Variants in NPC1 observed in about 807,000 individuals in gnomAD.
The protein encoded by NPC1 is Niemann-Pick C1 protein.
NPC1 carries 85 observed loss-of-function variants against 140.4 expected under a neutral mutation model. That is an observed-to-expected ratio of 0.61 (90% CI 0.51 to 0.72). NPC1 has a LOEUF of 0.72. Among genes scored for constraint, NPC1 ranks in the 30% least tolerant of loss-of-function variants. The pLI, the probability that NPC1 is intolerant of heterozygous loss-of-function variation, is 0.00. For synonymous variants in NPC1, 656 were observed against 624.8 expected (o/e 1.05, Z -0.74); for missense variants, 1,504 against 1,623.8 (o/e 0.93, Z 1.27).
intron 1 of NPC1, among the ~76,000 whole-genome samples, chr18:23,523,956 C>G (rs1229410399): frequency 6.6e-6 from 1 of 152,114 alleles, no homozygotes; most frequent in Non-Finnish European, 1.5e-5. Context: ...AGCTCCTTCC[C>G]CCTTCCTCCC....
intron 3 of NPC1, among the ~76,000 whole-genome samples, chr18:23,570,975 G>A (rs1022014176): frequency 1.3e-5 from 2 of 152,120 alleles, no homozygotes; most frequent in African/African-American, 4.8e-5. Flanking sequence ...GGAGAGGAAG[G>A]ACTGCATGAT....
intron 3 of NPC1, among the ~76,000 whole-genome samples, chr18:23,571,836 ACT>A (rs1295298680): frequency 6.6e-6 from 1 of 151,748 alleles, no homozygotes; most frequent in Non-Finnish European, 1.5e-5. Context: ...GCAGAGTGAG[ACT>A]CTGTCTCTAT....
downstream of NPC1, chr18:23,526,873 A>G: frequency 7.0e-7 from 1 of 1,430,084 alleles, no homozygotes; most frequent in South Asian, 1.4e-5. Context: ...TGTGACCCAC[A>G]GCCTCATTCT....
At chr18:23,518,007 C>T (rs545875204), downstream of NPC1, among the ~76,000 whole-genome samples, 5 of 152,214 alleles carry the variant, frequency 3.3e-5, no homozygotes, top group Non-Finnish European at 7.3e-5. Flanking sequence ...CATGAGCCGC[C>T]GTGCCCAGCC....
rs943193729 is a variant in NPC1, at chr18:23,552,396, G to A, written c.1554-669C>T. On this transcript the variant is annotated intron_variant, in intron 9 of 24. Transcript: ENST00000269228. ...AGGGGGCCAGTCTGGGAAGAGTAATGGACAGACAAATGCAAAATAAAAGGA... is the reference window on the plus strand; with the variant it reads ...AGGGGGCCAGTCTGGGAAGAGTAATAGACAGACAAATGCAAAATAAAAGGA... Among the ~76,000 whole-genome samples the A allele has an allele frequency of 2.6e-5, 4 of 152,200 alleles. No individual in the cohort carries two copies. The East Asian group carries it at 7.7e-4, about 29-fold the overall frequency.
At chr18:23,515,382 TAGG>T (rs1041792998) in intron 3 of NPC1, among the ~76,000 whole-genome samples, 2 of 152,176 alleles carry the variant, frequency 1.3e-5, no homozygotes, top group African/African-American at 4.8e-5. Context: ...GTAAATGAGT[TAGG>T]AGGCTCTGTA....
intron 7 of NPC1, 27 bp from the exon 8 acceptor site, chr18:23,556,640 G>A (rs1474456572): frequency 6.2e-7 from 1 of 1,613,162 alleles, no homozygotes; most frequent in Non-Finnish European, 8.5e-7. Flanking sequence ...GGAAGGGAAG[G>A]TGGAGGTTAA....
chr18:23,544,576 C>A lies in NPC1; in HGVS notation c.1948-50G>T, dbSNP rs770600084. 3.2e-6 allele frequency: 5 copies of A among 1,556,304 alleles called. No homozygotes were observed. In the African/African-American group the frequency reaches 5.4e-5, roughly 17 times the overall value. On this transcript the variant is annotated intron_variant, in intron 12 of 24. Transcript: ENST00000269228. ...ACCAATTAGTTACAGGGTTGTCTGT[C>A]CCACTTGTTACTAAAAGGTCCTCCT...
At chr18:23,543,402 C>T (rs761920016) in intron 14 of NPC1, 53 bp downstream of exon 14, 7 of 1,005,208 alleles carry the variant, frequency 7.0e-6, no homozygotes, top group African/African-American at 1.6e-5. Flanking sequence ...CCAGCTCCTT[C>T]TTTCTCCAGG....
downstream of NPC1, chr18:23,528,600 A>AG (rs1218165311): frequency 5.2e-5 from 8 of 153,336 alleles, no homozygotes; most frequent in Non-Finnish European, 1.0e-4. Context: ...GAAGAGGGCC[A>AG]GTTGCTGGGA....
chr18:23,564,846 ATGGTG>A (rs1254263406), intron 4 of NPC1, among the ~76,000 whole-genome samples: 1 of 152,162 alleles, frequency 6.6e-6, no homozygotes, highest in African/African-American at 2.4e-5. Context: ...TCTTTAACAT[ATGGTG>A]TGAAGTAGGG....
Position 23,583,336 on chromosome 18 carries a change from A to G in NPC1, c.57+2951T>C, listed in dbSNP as rs537879476. 3.2e-4 allele frequency among the ~76,000 whole-genome samples: 48 copies of G among 152,264 alleles called. No homozygotes were observed. In the South Asian group the frequency reaches 8.7e-3, roughly 28 times the overall value. The stretch of plus-strand genomic sequence containing the variant: ...CCCAAGATCACTCTTGGGAACAGAG[A>G]AGAGTCAAGACCCACACCAAGGTCT... On this transcript the variant is annotated intron_variant, in intron 1 of 24. Coordinates refer to ENST00000269228, the MANE Select transcript of NPC1 (RefSeq NM_000271.5).
intron 10 of NPC1, among the ~76,000 whole-genome samples, chr18:23,549,525 G>A (rs563551338): frequency 6.6e-6 from 1 of 152,168 alleles, no homozygotes; most frequent in African/African-American, 2.4e-5. Flanking sequence ...TGTAATCCCA[G>A]CTACTCAGGA....
At chr18:23,546,722 A>G (rs2145412523) in intron 11 of NPC1, among the ~76,000 whole-genome samples, 1 of 152,372 alleles carries the variant, frequency 6.6e-6, no homozygotes, top group African/African-American at 2.4e-5. Flanking sequence ...TGAGAATATT[A>G]TGTTCAATGA....
At chr18:23,525,667 C>T (rs1253983198), downstream of NPC1, among the ~76,000 whole-genome samples, 1 of 152,146 alleles carries the variant, frequency 6.6e-6, no homozygotes, top group African/African-American at 2.4e-5. Context: ...TCGTGATCTG[C>T]CCACCTCAGC....
intron 24 of NPC1, 146 bp from the exon 25 acceptor site, chr18:23,532,430 C>T (rs1277743851): frequency 1.5e-5 from 13 of 856,232 alleles, no homozygotes; most frequent in South Asian, 4.1e-5. Context: ...AGTGAGACCA[C>T]ATCTCTCTCC....
chr18:23,576,507 G>C, intron 1 of NPC1: 1 of 992,474 alleles, frequency 1.0e-6, no homozygotes, highest in Non-Finnish European at 1.2e-6. Flanking sequence ...CCTAGGCTTA[G>C]GCACTATTTT....
At chr18:23,571,953 T>C (rs551157235) in intron 3 of NPC1, 121 bp downstream of exon 3, 8 of 376,896 alleles carry the variant, frequency 2.1e-5, no homozygotes, top group South Asian at 7.7e-5. Flanking sequence ...ATATATAATA[T>C]ACATATAATA....
rs1376131980 is a variant in NPC1 at position 23,534,565 on chromosome 18, A to T, written c.3478-6T>A. The T allele has an allele frequency of 2.5e-6, 4 of 1,609,176 alleles. No homozygotes were observed. In the South Asian group the frequency reaches 4.4e-5, roughly 18 times the overall value. On this transcript the variant is annotated splice_polypyrimidine_tract_variant and splice_region_variant and intron_variant, in intron 22 of 24. Transcript: ENST00000269228. The stretch of plus-strand genomic sequence containing the variant: ...TCCACGGAGATGCCACAGCTCTGAA[A>T]TAAAGCACTTCCTTTAGGATGGCTC...
Sources: allele counts gnomAD v4.1 joint callset (sites outside exome capture counted in the v4.1 genomes callset), GRCh38; gene constraint gnomAD v4.1.1; transcripts MANE v1.5; gene names NCBI Gene and HGNC (gene_info 2026-07-23, HGNC 2026-07-21).